The following EIF4G3 variants were observed in gnomAD, a reference collection of about 807,000 sequenced individuals.
EIF4G3 encodes eukaryotic translation initiation factor 4 gamma 3.
Under a neutral mutation model 186.4 loss-of-function variants are expected in EIF4G3, and 34 were observed. That is an observed-to-expected ratio of 0.18 (90% CI 0.14 to 0.24). The LOEUF is 0.24. EIF4G3 is among the 10% of genes least tolerant of loss of function. EIF4G3 has a pLI of 1.00. For synonymous variants in EIF4G3, 673 were observed against 679.5 expected (o/e 0.99, Z 0.15); for missense variants, 1,536 against 1,948.5 (o/e 0.79, Z 3.99).
chr1:20,937,084 A>T (rs1044408049), intron 14 of EIF4G3, among the ~76,000 whole-genome samples: 2 of 152,204 alleles, frequency 1.3e-5, no homozygotes, highest in Non-Finnish European at 2.9e-5. Flanking sequence ...GAAAAGAGAG[A>T]TCTTGGATCC....
chr1:20,997,239 C>T (rs550320820), intron 7 of EIF4G3, among the ~76,000 whole-genome samples: 1 of 152,032 alleles, frequency 6.6e-6, no homozygotes, highest in South Asian at 2.1e-4. Flanking sequence ...TAACAGAAAA[C>T]CCATAGAATG....
chr1:20,917,575 T>C (rs1287470185), intron 14 of EIF4G3, among the ~76,000 whole-genome samples: 1 of 152,156 alleles, frequency 6.6e-6, no homozygotes, highest in African/African-American at 2.4e-5. Flanking sequence ...CAAACTAATC[T>C]GTAGTGACAA....
At chr1:21,157,884 G>A (rs2097691735) in intron 2 of EIF4G3, among the ~76,000 whole-genome samples, 1 of 152,102 alleles carries the variant, frequency 6.6e-6, no homozygotes. Flanking sequence ...AGTTGAGCCT[G>A]CAGCTGAATA....
At chr1:20,813,641 T>C (rs769037911) in intron 34 of EIF4G3, among the ~76,000 whole-genome samples, 30 of 151,934 alleles carry the variant, frequency 2.0e-4, no homozygotes, top group Middle Eastern at 3.4e-3. Flanking sequence ...CTGAAGAGGA[T>C]GGATCACCTG....
intron 22 of EIF4G3, among the ~76,000 whole-genome samples, chr1:20,862,687 T>C (rs1264923147): frequency 6.6e-6 from 1 of 152,212 alleles, no homozygotes; most frequent in East Asian, 1.9e-4. Flanking sequence ...TGCTGGAATT[T>C]CAGGCATTAG....
chr1:21,049,399 T>C (rs1157886727), intron 4 of EIF4G3, among the ~76,000 whole-genome samples: 1 of 152,172 alleles, frequency 6.6e-6, no homozygotes, highest in East Asian at 1.9e-4. Context: ...CTCAGATTAA[T>C]ACACCTTAAT....
intron 3 of EIF4G3, among the ~76,000 whole-genome samples, chr1:21,054,448 A>G (rs2094467758): frequency 2.0e-5 from 3 of 150,856 alleles, no homozygotes; most frequent in Non-Finnish European, 4.4e-5. Context: ...TCTGCGAGAA[A>G]CACCCAAGAA....
At chr1:20,899,653 G>A in intron 16 of EIF4G3, 44 bp downstream of exon 16, 4 of 1,604,428 alleles carry the variant, frequency 2.5e-6, no homozygotes, top group Non-Finnish European at 3.4e-6. Flanking sequence ...TAAGGTTGCA[G>A]TAGAGGGATA....
intron 2 of EIF4G3, among the ~76,000 whole-genome samples, chr1:21,111,042 AATCTT>A (rs767573582): frequency 1.3e-5 from 2 of 152,242 alleles, no homozygotes; most frequent in Non-Finnish European, 2.9e-5. Context: ...ACTTTGAACT[AATCTT>A]AGATAATTTA....
chr1:20,868,962 T>C (rs2078339818), intron 20 of EIF4G3, among the ~76,000 whole-genome samples: 1 of 152,218 alleles, frequency 6.6e-6, no homozygotes, highest in Non-Finnish European at 1.5e-5. Context: ...ACAGGGCCTA[T>C]ACTGCTGACA....
chr1:21,058,360 T>G (rs2094673627), intron 3 of EIF4G3, among the ~76,000 whole-genome samples: 1 of 152,112 alleles, frequency 6.6e-6, no homozygotes, highest in Non-Finnish European at 1.5e-5. Flanking sequence ...TCTTCAAAAT[T>G]TTCAAGAGTA....
At chr1:20,815,639 G>C (rs1368764099) in intron 34 of EIF4G3, among the ~76,000 whole-genome samples, 28 of 139,006 alleles carry the variant, frequency 2.0e-4, no homozygotes, top group Non-Finnish European at 2.3e-4. Context: ...CACCCCGTCC[G>C]GGAGGGAGGT....
rs71014159 is a variant in EIF4G3 at position 21,130,216 on chromosome 1, C to CTTTT, written c.-271-41007_-271-41004dup. On this transcript the variant is annotated intron_variant, in intron 2 of 36. Transcript: ENST00000602326. ...CTGGGCAACACAGGAGACCCCATCT[C>CTTTT]TTTTTTTTTTTTTTTTTTTTTTTTT... Among the ~76,000 whole-genome samples, 99 of 75,350 alleles carry CTTTT rather than the reference C, an allele frequency of 1.3e-3. 9 individuals carry two copies. The highest frequency in any genetic ancestry group is 4.0e-3 in the African/African-American group (76 of 19,036). 49.4% of individuals were successfully genotyped at this position (75,350 alleles called of 152,430 possible). A position where few individuals can be genotyped will look rare whatever the true frequency, so the allele number is the denominator to read the frequency against.
chr1:20,956,279 T>C (rs2096412941), intron 12 of EIF4G3, among the ~76,000 whole-genome samples: 1 of 152,154 alleles, frequency 6.6e-6, no homozygotes. Context: ...TTGTATGTTT[T>C]TGTATGGACA....
intron 30 of EIF4G3, among the ~76,000 whole-genome samples, chr1:20,831,105 G>A (rs1330898601): frequency 2.0e-5 from 3 of 152,040 alleles, no homozygotes; most frequent in Non-Finnish European, 4.4e-5. Flanking sequence ...TTCTTTGGGT[G>A]GAAGGAAAAA....
intron 12 of EIF4G3, among the ~76,000 whole-genome samples, chr1:20,962,712 C>T (rs949516971): frequency 6.6e-5 from 10 of 152,056 alleles, no homozygotes; most frequent in Non-Finnish European, 1.5e-4. Flanking sequence ...TTACTTTTTA[C>T]TATGAGGCAC....
intron 30 of EIF4G3, among the ~76,000 whole-genome samples, chr1:20,831,117 C>T (rs1315972838): frequency 1.3e-5 from 2 of 152,112 alleles, no homozygotes; most frequent in African/African-American, 4.8e-5. Context: ...AAGGAAAAAA[C>T]CACAGCCACT....
chr1:21,088,617 C>A (rs1397720531), intron 3 of EIF4G3, among the ~76,000 whole-genome samples: 1 of 152,144 alleles, frequency 6.6e-6, no homozygotes, highest in Non-Finnish European at 1.5e-5. Flanking sequence ...ATAATCCCAG[C>A]ACGTTGGGAG....
At chr1:21,035,677 C>T (rs1294222457) in intron 4 of EIF4G3, among the ~76,000 whole-genome samples, 1 of 152,254 alleles carries the variant, frequency 6.6e-6, no homozygotes, top group Admixed American at 6.5e-5. Flanking sequence ...GGCAGGGGGG[C>T]AGTTCAGCGA....
Sources: gnomAD v4.1 joint callset for allele counts (sites outside exome capture counted in the v4.1 genomes callset) on GRCh38, gnomAD v4.1.1 for gene constraint, MANE v1.5 for transcripts, NCBI Gene and HGNC (gene_info 2026-07-23, HGNC 2026-07-21) for gene names.